The following GAN variants were observed in gnomAD, a reference collection of about 807,000 sequenced individuals.
GAN encodes epididymis secretory sperm binding protein.
A neutral mutation model predicts 71.3 loss-of-function variants in GAN; 48 were observed. That is an observed-to-expected ratio of 0.67 (90% CI 0.53 to 0.86). The LOEUF (loss-of-function observed/expected upper bound fraction) is 0.86, where lower values mean the gene tolerates loss of function less well. Among genes scored for constraint, GAN ranks in the 40% least tolerant of loss-of-function variants. The pLI, the probability that GAN is intolerant of heterozygous loss-of-function variation, is 0.00. For synonymous variants in GAN, 386 were observed against 276.8 expected, an observed-to-expected ratio of 1.39 and a Z score of -3.92; for missense variants, 928 against 770.1, an observed-to-expected ratio of 1.21 and a Z score of -2.43.
chr16:81,342,389 C>T (rs960068199), intron 1 of GAN, among the ~76,000 whole-genome samples: 1 of 152,146 alleles, frequency 6.6e-6, no homozygotes, highest in African/African-American at 2.4e-5. Context: ...GGAAGTAAAG[C>T]ACTCCTAGGC....
At chr16:81,357,752 C>G in intron 4 of GAN, 58 bp from the exon 5 acceptor site, 2 of 1,510,962 alleles carry the variant, frequency 1.3e-6, no homozygotes, top group Non-Finnish European at 1.8e-6. Context: ...GTGATGGCTA[C>G]TTATAAAAAG....
At chr16:81,332,485 C>A (rs934426916) in intron 1 of GAN, among the ~76,000 whole-genome samples, 4 of 152,194 alleles carry the variant, frequency 2.6e-5, no homozygotes, top group African/African-American at 9.6e-5. Context: ...TACTGTAATG[C>A]TTTTGCTGTC....
intron 5 of GAN, 65 bp downstream of exon 5, chr16:81,357,996 C>G: frequency 7.8e-7 from 1 of 1,284,018 alleles, no homozygotes; most frequent in South Asian, 1.2e-5. Context: ...CAAGGTTTTA[C>G]AGAATGACTC....
intron 5 of GAN, among the ~76,000 whole-genome samples, chr16:81,358,414 C>A (rs777245161): frequency 6.6e-6 from 1 of 152,044 alleles, no homozygotes; most frequent in Non-Finnish European, 1.5e-5. Flanking sequence ...CAAGACCAGC[C>A]TGGACAATGT....
At chr16:81,331,192 C>T (rs1370709754) in intron 1 of GAN, among the ~76,000 whole-genome samples, 1 of 152,090 alleles carries the variant, frequency 6.6e-6, no homozygotes, top group East Asian at 1.9e-4. Flanking sequence ...GCAACAGAGA[C>T]CATGTCTCAA....
chr16:81,347,070 A>G (rs1910141902), intron 1 of GAN, among the ~76,000 whole-genome samples: 2 of 152,242 alleles, frequency 1.3e-5, no homozygotes, highest in South Asian at 4.1e-4. Context: ...GTCTGCTGCC[A>G]AAAAGATTAT....
At chr16:81,366,039 G>A (rs1379096207) in intron 9 of GAN, among the ~76,000 whole-genome samples, 3 of 152,078 alleles carry the variant, frequency 2.0e-5, no homozygotes, top group African/African-American at 7.2e-5. Flanking sequence ...GCTGCTACTT[G>A]CCTAAAAGCT....
chr16:81,339,874 T>A (rs185045405), intron 1 of GAN, among the ~76,000 whole-genome samples: 293 of 152,214 alleles, frequency 1.9e-3, no homozygotes, highest in African/African-American at 6.8e-3. Flanking sequence ...GGGGCAGATG[T>A]AAGGATGTGA....
intron 9 of GAN, among the ~76,000 whole-genome samples, chr16:81,365,932 G>A (rs1216854635): frequency 6.6e-6 from 1 of 152,086 alleles, no homozygotes; most frequent in Non-Finnish European, 1.5e-5. Context: ...AGCCTTTTGT[G>A]ATATGGCCTT....
At chr16:81,349,338 G>A (rs1011482982) in intron 1 of GAN, among the ~76,000 whole-genome samples, 1 of 152,054 alleles carries the variant, frequency 6.6e-6, no homozygotes, top group Admixed American at 6.6e-5. Context: ...AGTTACCCTT[G>A]TCTGTTTTCT....
chr16:81,389,254 C>T lies in GAN; in HGVS notation c.*11658C>T, dbSNP rs901978148. On this transcript the variant is annotated 3_prime_UTR_variant, in exon 11 of 11. Transcript: ENST00000648994. ...CTTTTTCTGCCACTGGGGTTCTTTTCGTTTTGAATTCAGCTTGTGTTTGGT... is the reference window on the plus strand; with the variant it reads ...CTTTTTCTGCCACTGGGGTTCTTTTTGTTTTGAATTCAGCTTGTGTTTGGT... 1 of 152,194 alleles carries T rather than the reference C, an allele frequency of 6.6e-6. No individual in the cohort carries two copies. Among genetic ancestry groups the T allele is most frequent in the Non-Finnish European group, 1.5e-5 (1 of 68,028 alleles). 9.4% of individuals were successfully genotyped at this position (152,194 alleles called of 1,614,324 possible).
intron 5 of GAN, among the ~76,000 whole-genome samples, chr16:81,358,301 C>T (rs1419045427): frequency 6.6e-6 from 1 of 152,196 alleles, no homozygotes; most frequent in African/African-American, 2.4e-5. Flanking sequence ...CTTAGAATTA[C>T]AATATGTAAT....
Position 81,356,983 on chromosome 16 carries a change from G to C in GAN, c.832G>C (p.Val278Leu). 2 of 1,607,312 alleles carry C rather than the reference G, an allele frequency of 1.2e-6. No homozygotes were observed. ...GGGCTACTCTGAGTGCATCGTGACT[G>C]TTGGTGGAGAAGAGAGAGTGTAAGT... is the stretch of plus-strand genomic sequence containing the variant. The part of the protein sequence containing the change: ...PRGYSECIVT[V>L]GGEERVSRKP... The change falls in exon 4 of 11, where the codon GTT (valine) becomes CTT (leucine). Residue 278 changes from valine to leucine, a missense_variant. Transcript: ENST00000648994.
intron 9 of GAN, among the ~76,000 whole-genome samples, chr16:81,369,090 CT>C (rs1910954909): frequency 1.3e-5 from 2 of 152,214 alleles, no homozygotes; most frequent in African/African-American, 4.8e-5. Context: ...CTAGATGCCC[CT>C]CTACTTTAAT....
intron 1 of GAN, among the ~76,000 whole-genome samples, chr16:81,338,330 A>T (rs982164969): frequency 6.6e-6 from 1 of 152,228 alleles, no homozygotes; most frequent in Admixed American, 6.5e-5. Context: ...ATGATCCTGT[A>T]GCCTCCTGAG....
At chr16:81,370,127 G>A (rs1306785673) in intron 9 of GAN, among the ~76,000 whole-genome samples, 1 of 152,202 alleles carries the variant, frequency 6.6e-6, no homozygotes, top group Non-Finnish European at 1.5e-5. Flanking sequence ...TTGCCTCAGG[G>A]CTGTATCAAC....
At chr16:81,327,890 G>C (rs7200204) in intron 1 of GAN, among the ~76,000 whole-genome samples, 140,350 of 152,298 alleles carry the variant, frequency 0.92, 64,780 homozygotes, top group Middle Eastern at 0.95. Context: ...AAATAGAATA[G>C]CAAAGTAGAA....
intron 1 of GAN, among the ~76,000 whole-genome samples, chr16:81,330,223 C>G (rs1909529861): frequency 6.6e-6 from 1 of 152,224 alleles, no homozygotes; most frequent in Non-Finnish European, 1.5e-5. Flanking sequence ...CACACTGCTG[C>G]CGCCAGAGTG....
chr16:81,360,911 T>G (rs867317625), intron 5 of GAN, among the ~76,000 whole-genome samples: 9 of 152,332 alleles, frequency 5.9e-5, no homozygotes, highest in Middle Eastern at 3.4e-3. Context: ...TGTGGCTGCA[T>G]GCTGCTCATT....
Sources: gnomAD v4.1 joint callset for allele counts (sites outside exome capture counted in the v4.1 genomes callset) on GRCh38, gnomAD v4.1.1 for gene constraint, MANE v1.5 for transcripts, NCBI Gene and HGNC (gene_info 2026-07-23, HGNC 2026-07-21) for gene names.